RFC1: variants seen among roughly 807,000 people sequenced by gnomAD.
The protein encoded by RFC1 is A1 140 kDa subunit.
Under a neutral mutation model 137.4 loss-of-function variants are expected in RFC1, and 37 were observed. The ratio of observed to expected loss-of-function variants is 0.27; its 90% CI spans 0.21 to 0.35. The LOEUF is 0.35. Among genes scored for constraint, RFC1 ranks in the 10% least tolerant of loss-of-function variants. The probability of loss-of-function intolerance (pLI) is 1.00; values close to 1 mark genes in which losing one functional copy is unlikely to be tolerated. For synonymous variants in RFC1, 429 were observed against 455.7 expected (o/e 0.94, Z 0.75); for missense variants, 1,205 against 1,358.5 (o/e 0.89, Z 1.78).
intron 1 of RFC1, 93 bp from the exon 2 acceptor site, chr4:39,351,569 G>GA: frequency 9.1e-7 from 1 of 1,095,408 alleles, no homozygotes; most frequent in Non-Finnish European, 1.2e-6. Flanking sequence ...TGTACACACT[G>GA]GGTTACCCTG....
chr4:39,310,336 G>T lies in RFC1; in HGVS notation c.1488+1109C>A, dbSNP rs571888342. Reference sequence around the variant, plus strand: ...GAACAGAAGAACTACAGGGAAAAATGTAAGGTTCGAAAAATATGTACAGGT... The same window carrying T: ...GAACAGAAGAACTACAGGGAAAAATTTAAGGTTCGAAAAATATGTACAGGT... On this transcript the variant is annotated intron_variant, in intron 12 of 24. Transcript: ENST00000349703. Among the ~76,000 whole-genome samples the T allele has an allele frequency of 6.2e-4, 95 of 152,336 alleles. 2 individuals are homozygous for T. In the South Asian group the frequency reaches 0.019, roughly 30 times the overall value.
intron 2 of RFC1, among the ~76,000 whole-genome samples, chr4:39,348,451 A>AGAG (rs1741003104): frequency 2.3e-5 from 3 of 129,860 alleles, no homozygotes; most frequent in Non-Finnish European, 5.3e-5. Context: ...AAAGAAAAGA[A>AGAG]AAGAAAAGAA....
rs891116152 is a variant in RFC1 at position 39,288,024 on chromosome 4, A to C, written c.*737T>G. On this transcript the variant is annotated 3_prime_UTR_variant, in exon 25 of 25. Coordinates refer to ENST00000349703, the MANE Select transcript of RFC1 (RefSeq NM_002913.5). ...TTCACAGCAGAGACGTGGTCAACAC[A>C]CACAGAGGGAGTGAGGCTGGGAATC... 4 of 152,246 alleles carry C rather than the reference A, an allele frequency of 2.6e-5. No individual in the cohort carries two copies. The highest frequency in any genetic ancestry group is 9.7e-5 in the African/African-American group (4 of 41,444). 9.4% of individuals were successfully genotyped at this position (152,246 alleles called of 1,614,324 possible).
intron 24 of RFC1, 88 bp from the exon 25 acceptor site, chr4:39,288,932 C>A: frequency 1.2e-6 from 1 of 848,752 alleles, no homozygotes; most frequent in Non-Finnish European, 1.9e-6. Context: ...CTAATCTTTA[C>A]CTGCAACTTA....
In RFC1 at chr4:39,345,407, C is replaced by A. The variant is rs1404298637; in HGVS notation, c.202G>T (p.Asp68Tyr). ...QPSKKKRIIY[D>Y]SDSESEETLQ... ...CCTCAGAAGAAATTATTACCTGAATCATAGATGATCCTCTTTTTCTTGCTT... is the reference window on the plus strand; with the variant it reads ...CCTCAGAAGAAATTATTACCTGAATAATAGATGATCCTCTTTTTCTTGCTT... The change falls in exon 3 of 25, where the codon GAT becomes TAT. Residue 68 changes from aspartate (D) to tyrosine (Y), a missense_variant. Physicochemically the swap from Asp to Tyr is radical, Grantham distance 160. Around this residue, in one of 3 missense-constraint regions of RFC1, gnomAD observed 962 missense variants for 1,035.3 expected, o/e 0.93. Coordinates refer to ENST00000349703, the MANE Select transcript of RFC1 (RefSeq NM_002913.5). 1.2e-6 allele frequency: 2 copies of A among 1,613,428 alleles called. No homozygotes were observed. Among genetic ancestry groups the A allele is most frequent in the East Asian group, 4.5e-5 (2 of 44,902 alleles).
chr4:39,298,613 T>A (rs1738163345), intron 21 of RFC1, among the ~76,000 whole-genome samples: 1 of 152,198 alleles, frequency 6.6e-6, no homozygotes, highest in South Asian at 2.1e-4. Flanking sequence ...ATCAGAGACA[T>A]GGCTGCTGGC....
chr4:39,364,266 G>GAAA (rs34831204), intron 1 of RFC1, among the ~76,000 whole-genome samples: 1 of 144,660 alleles, frequency 6.9e-6, no homozygotes, highest in Non-Finnish European at 1.5e-5. Flanking sequence ...CAGTCTGAGG[G>GAAA]AAAAAAAAAA....
intron 4 of RFC1, among the ~76,000 whole-genome samples, chr4:39,339,845 A>G (rs1740530702): frequency 6.6e-6 from 1 of 152,230 alleles, no homozygotes; most frequent in South Asian, 2.1e-4. Flanking sequence ...TCCATAACAT[A>G]AGTGGGCCAA....
chr4:39,303,023 C>G, intron 16 of RFC1, 37 bp downstream of exon 16: 1 of 1,537,432 alleles, frequency 6.5e-7, no homozygotes, highest in Non-Finnish European at 9.0e-7. Context: ...TCTAAATTAT[C>G]AACAGTGAAA....
chr4:39,300,967 C>T (rs1023657520), intron 19 of RFC1, among the ~76,000 whole-genome samples: 1 of 151,778 alleles, frequency 6.6e-6, no homozygotes, highest in Non-Finnish European at 1.5e-5. Context: ...GTGGCAGGTG[C>T]CTGTAACCCG....
intron 4 of RFC1, among the ~76,000 whole-genome samples, chr4:39,331,181 C>T (rs1388662270): frequency 6.6e-6 from 1 of 152,066 alleles, no homozygotes; most frequent in Non-Finnish European, 1.5e-5. Flanking sequence ...CAGCTATACC[C>T]AGTATATGTT....
intron 10 of RFC1, among the ~76,000 whole-genome samples, chr4:39,315,525 C>T (rs1739196035): frequency 1.3e-5 from 2 of 152,180 alleles, no homozygotes; most frequent in Non-Finnish European, 2.9e-5. Context: ...GTTCTAAGCT[C>T]CAGTCCCACA....
At chr4:39,310,204 G>A (rs1305551668) in intron 12 of RFC1, among the ~76,000 whole-genome samples, 1 of 152,086 alleles carries the variant, frequency 6.6e-6, no homozygotes, top group Non-Finnish European at 1.5e-5. Flanking sequence ...AAACTGACCA[G>A]TACTCATTAA....
chr4:39,294,465 A>G (rs998614625), intron 22 of RFC1, among the ~76,000 whole-genome samples: 1 of 151,630 alleles, frequency 6.6e-6, no homozygotes, highest in Admixed American at 6.6e-5. Flanking sequence ...TGAGGTCAGG[A>G]GTTCGAGACC....
At chr4:39,353,988 T>G (rs949029296) in intron 1 of RFC1, among the ~76,000 whole-genome samples, 36 of 152,220 alleles carry the variant, frequency 2.4e-4, no homozygotes, top group Non-Finnish European at 4.3e-4. Flanking sequence ...GTCTGGTTTT[T>G]GTCTGTACAA....
Position 39,310,047 on chromosome 4 carries a change from T to TAATA in RFC1, c.1489-1019_1489-1016dup, listed in dbSNP as rs1301950753. Among the ~76,000 whole-genome samples, 7 of 152,360 alleles carry TAATA rather than the reference T, an allele frequency of 4.6e-5. No individual in the cohort carries two copies. In the South Asian group the frequency reaches 1.5e-3, roughly 32 times the overall value. ...ACCAAATAATCAAGATTATCCTCACTAATAATAAGACGTTATTGACATCCT... is the reference window on the plus strand; with the variant it reads ...ACCAAATAATCAAGATTATCCTCACTAATAAATAATAAGACGTTATTGACATCCT... On this transcript the variant is annotated intron_variant, in intron 12 of 24. Transcript: ENST00000349703.
At position 39,361,946 on chromosome 4, in the gene RFC1, G is replaced by A. The variant is rs1030082766; in HGVS notation, c.3+4293C>T. ...CCCAGCTACTCGGGAGGCTGAGGCC[G>A]GAGAATGGGGTGAACCCGGGAGGCG... is the stretch of plus-strand genomic sequence containing the variant. On this transcript the variant is annotated intron_variant, in intron 1 of 24. Transcript: ENST00000349703. Among the ~76,000 whole-genome samples the A allele has an allele frequency of 7.2e-5, 11 of 152,262 alleles. No individual in the cohort carries two copies. The East Asian group carries it at 1.7e-3, about 24-fold the overall frequency.
chr4:39,358,443 T>G (rs958381245), intron 1 of RFC1, among the ~76,000 whole-genome samples: 1 of 152,218 alleles, frequency 6.6e-6, no homozygotes, highest in African/African-American at 2.4e-5. Context: ...TCTAGTTTAT[T>G]TGTATTTTTA....
At chr4:39,322,904 C>CA (rs1242798762) in intron 7 of RFC1, among the ~76,000 whole-genome samples, 1 of 151,384 alleles carries the variant, frequency 6.6e-6, no homozygotes, top group Non-Finnish European at 1.5e-5. Context: ...GCCAACATAA[C>CA]AAAACCCCCT....
Sources: allele counts gnomAD v4.1 joint callset (sites outside exome capture counted in the v4.1 genomes callset), GRCh38; gene constraint gnomAD v4.1.1; regional missense constraint gnomAD v4.1.1; transcripts MANE v1.5; gene names NCBI Gene and HGNC (gene_info 2026-07-23, HGNC 2026-07-21).